LRP2: variants seen among roughly 807,000 people sequenced by gnomAD.
LRP2 encodes the protein low-density lipoprotein receptor-related protein 2.
Under a neutral mutation model 531.0 loss-of-function variants are expected in LRP2, and 172 were observed. That is an observed-to-expected ratio of 0.32 (90% confidence interval 0.29 to 0.37). The LOEUF (loss-of-function observed/expected upper bound fraction) is 0.37, where lower values mean the gene tolerates loss of function less well. LRP2 is among the 10% of genes least tolerant of loss of function. LRP2 has a pLI of 1.00. For synonymous variants in LRP2, 1,992 were observed against 2,027.6 expected, an observed-to-expected ratio of 0.98 and a Z score of 0.47; for missense variants, 5,167 against 5,868.3, an observed-to-expected ratio of 0.88 and a Z score of 3.90.
intron 1 of LRP2, among the ~76,000 whole-genome samples, chr2:169,355,403 C>T (rs1307752828): frequency 6.6e-6 from 1 of 152,168 alleles, no homozygotes; most frequent in Admixed American, 6.5e-5. Context: ...GTTATTTTTG[C>T]ATCCCAGCCT....
chr2:169,246,681 T>C, intron 21 of LRP2, 24 bp downstream of exon 21: 1 of 1,613,970 alleles, frequency 6.2e-7, no homozygotes, highest in African/African-American at 1.3e-5. Context: ...TCCCAGGAAA[T>C]ATCGCCAGTG....
intron 8 of LRP2, among the ~76,000 whole-genome samples, chr2:169,290,293 T>TC (rs1683967065): frequency 8.0e-6 from 1 of 124,332 alleles, no homozygotes. Flanking sequence ...TTTTTTTTTT[T>TC]AGTACAGCCA....
rs527397264 is a variant in LRP2, at chr2:169,280,505, T to C, written c.1186A>G (p.Ile396Val). ...AAATCCCGACCATTGGAGAAGATAA[T>C]GGAGGCCTCGCCAACTAAATGCGAA... The part of the protein sequence containing the change: ...KANDSFGEAS[I>V]IFSNGRDLLI... Residue 396 changes from isoleucine (I) to valine (V), a missense_variant, in exon 11 of 79, where the codon ATT becomes GTT. Coordinates refer to ENST00000649046, the MANE Select transcript of LRP2 (RefSeq NM_004525.3). The C allele has an allele frequency of 4.7e-5, 76 of 1,614,112 alleles. 1 individual carries two copies. In the South Asian group the frequency reaches 7.5e-4, roughly 16 times the overall value.
rs759944487 is a variant in LRP2, at chr2:169,282,957, C to T, written c.1087G>A (p.Glu363Lys). The change falls in exon 10 of 79, where the codon GAA (glutamate) becomes AAA (lysine). Residue 363 changes from glutamate (E) to lysine (K), a missense_variant. Glu to Lys is a moderately conservative substitution (Grantham distance 56, BLOSUM62 1). Around this residue, in one of 6 missense-constraint regions of LRP2, gnomAD observed 2,811 missense variants for 3,058.0 expected, o/e 0.92. Coordinates refer to ENST00000649046, the MANE Select transcript of LRP2 (RefSeq NM_004525.3). ...QIWGICDQKC[E>K]SRPGRHLCHC... ...CACAGGTGACGGCCAGGTCGGCTTT[C>T]ACACTTCTGGTCACAAATTCCCCAT... 1 of 1,614,012 alleles carries T rather than the reference C, an allele frequency of 6.2e-7. No individual in the cohort carries two copies. The highest frequency in any genetic ancestry group is 1.3e-5 in the African/African-American group (1 of 74,918).
Position 169,197,049 on chromosome 2 carries a change from A to G in LRP2, c.8579-19T>C. 1.2e-6 allele frequency: 2 copies of G among 1,612,840 alleles called. No individual in the cohort carries two copies. The highest frequency in any genetic ancestry group is 1.1e-5 in the South Asian group (1 of 91,050). ...TGAGTGGCTGCAGGAGGGAAAGAAG[A>G]TAAAACCCATGAGCAAAACACAAGC... On this transcript the variant is annotated intron_variant, in intron 45 of 78. Coordinates refer to ENST00000649046, the MANE Select transcript of LRP2 (RefSeq NM_004525.3).
At chr2:169,231,890 T>C in intron 30 of LRP2, 48 bp from the exon 31 acceptor site, 1 of 1,605,956 alleles carries the variant, frequency 6.2e-7, no homozygotes, top group Non-Finnish European at 8.5e-7. Flanking sequence ...AACCTCCACA[T>C]TAAAATCAAA....
chr2:169,338,666 T>C (rs1685486416), intron 1 of LRP2, among the ~76,000 whole-genome samples: 1 of 152,248 alleles, frequency 6.6e-6, no homozygotes, highest in African/African-American at 2.4e-5. Flanking sequence ...TCTTCCATTC[T>C]GCCCAGCATG....
intron 10 of LRP2, among the ~76,000 whole-genome samples, chr2:169,280,929 A>T (rs1391214325): frequency 6.6e-6 from 1 of 152,220 alleles, no homozygotes; most frequent in Non-Finnish European, 1.5e-5. Context: ...CCAGGAAATC[A>T]CTCTGAAAAA....
chr2:169,181,328 G>A (rs569488501), intron 52 of LRP2, 120 bp downstream of exon 52: 31 of 957,958 alleles, frequency 3.2e-5, no homozygotes, highest in African/African-American at 1.1e-4. Context: ...GACTTCCCCC[G>A]AATGACTTCC....
intron 35 of LRP2, among the ~76,000 whole-genome samples, chr2:169,214,785 T>C (rs1362538227): frequency 6.6e-6 from 1 of 152,166 alleles, no homozygotes; most frequent in Non-Finnish European, 1.5e-5. Flanking sequence ...ACTGTGGCTT[T>C]ATGAAGAAAA....
Position 169,174,055 on chromosome 2 carries a change from G to C in LRP2, c.10878C>G (p.Asp3626Glu), listed in dbSNP as rs767343426. 5 of 1,614,106 alleles carry C rather than the reference G, an allele frequency of 3.1e-6. No homozygotes were observed. The highest frequency in any genetic ancestry group is 2.7e-5 in the African/African-American group (2 of 74,942). ...FNDCEDNSDE[D>E]SSHCASRTCR... ...AGGTCCTGCTGGCACAGTGGGAACTGTCTTCATCTGAGTTATCCTCACAGT... is the reference window on the plus strand; with the variant it reads ...AGGTCCTGCTGGCACAGTGGGAACTCTCTTCATCTGAGTTATCCTCACAGT... The change falls in exon 56 of 79, where the codon GAC becomes GAG. Residue 3626 changes from aspartate (D) to glutamate (E), a missense_variant. Physicochemically the swap from Asp to Glu is conservative, Grantham distance 45. This residue lies in a region of LRP2 where 311 missense variants were observed against 309.4 expected (regional missense o/e 1.01). Coordinates refer to ENST00000649046, the MANE Select transcript of LRP2 (RefSeq NM_004525.3).
At chr2:169,327,457 C>A (rs1208949166) in intron 1 of LRP2, among the ~76,000 whole-genome samples, 1 of 112,354 alleles carries the variant, frequency 8.9e-6, no homozygotes, top group Non-Finnish European at 1.9e-5. Context: ...GCACCCCGCC[C>A]GGCCAGCCGC....
intron 54 of LRP2, 60 bp from the exon 55 acceptor site, chr2:169,175,449 G>C (rs1432197896): frequency 5.9e-6 from 9 of 1,513,284 alleles, no homozygotes; most frequent in African/African-American, 1.4e-5. Context: ...GTTATCTGGA[G>C]AGAAGAAGTC....
chr2:169,342,889 C>T (rs1685603193), intron 1 of LRP2, among the ~76,000 whole-genome samples: 1 of 152,204 alleles, frequency 6.6e-6, no homozygotes, highest in Non-Finnish European at 1.5e-5. Flanking sequence ...TATTGAACAT[C>T]TCACTGACCT....
chr2:169,181,977 A>C (rs1350305395), intron 51 of LRP2, among the ~76,000 whole-genome samples, 190 bp downstream of exon 51: 1 of 152,208 alleles, frequency 6.6e-6, no homozygotes, highest in African/African-American at 2.4e-5. Context: ...AGAAAACAGA[A>C]GAGCTGATGA....
intron 1 of LRP2, among the ~76,000 whole-genome samples, chr2:169,353,058 AAC>A (rs1559088705): frequency 6.6e-6 from 1 of 152,170 alleles, no homozygotes; most frequent in African/African-American, 2.4e-5. Flanking sequence ...ATTTTTAAAA[AAC>A]ACAGATTTTC....
chr2:169,169,234 G>A (rs1686901544), intron 60 of LRP2, among the ~76,000 whole-genome samples: 1 of 152,212 alleles, frequency 6.6e-6, no homozygotes. Flanking sequence ...CATCCCACCT[G>A]AGGAGAAATA....
Position 169,206,320 on chromosome 2 carries a change from G to A in LRP2, c.7390+10C>T, listed in dbSNP as rs1438259639. ...ACTTGCAGGACAAGCAGCACCTGGA[G>A]TGCACTTACCTGAAGCAATGACAGT... is the stretch of plus-strand genomic sequence containing the variant. On this transcript the variant is annotated intron_variant, in intron 39 of 78. Coordinates refer to ENST00000649046, the MANE Select transcript of LRP2 (RefSeq NM_004525.3). 1.4e-5 allele frequency: 22 copies of A among 1,613,660 alleles called. No individual in the cohort carries two copies. Among genetic ancestry groups the A allele is most frequent in the South Asian group, 2.2e-5 (2 of 91,062 alleles).
At chr2:169,281,837 G>A (rs528410173) in intron 10 of LRP2, among the ~76,000 whole-genome samples, 1 of 152,050 alleles carries the variant, frequency 6.6e-6, no homozygotes, top group Non-Finnish European at 1.5e-5. Context: ...GCAGAACTGT[G>A]CATATAGTTT....
Sources: gnomAD v4.1 joint callset for allele counts (sites outside exome capture counted in the v4.1 genomes callset) on GRCh38, gnomAD v4.1.1 for gene constraint, gnomAD v4.1.1 regional missense constraint, MANE v1.5 for transcripts, NCBI Gene and HGNC (gene_info 2026-07-23, HGNC 2026-07-21) for gene names.